SNTG2: variants seen among roughly 807,000 people sequenced by gnomAD.
SNTG2 encodes the protein syntrophin gamma 2.
SNTG2 carries 74 observed loss-of-function variants against 70.9 expected under a neutral mutation model. That is an observed-to-expected ratio of 1.04 (90% CI 0.86 to 1.27). The LOEUF is 1.27. Ranked by LOEUF, SNTG2 falls within the 50% of genes most tolerant of loss-of-function variation. The pLI is 0.00. For missense variants in SNTG2, 717 were observed against 690.7 expected, an observed-to-expected ratio of 1.04 and a Z score of -0.43; for synonymous variants, 278 against 273.8, an observed-to-expected ratio of 1.02 and a Z score of -0.15.
chr2:1,111,082 C>A (rs550283982), intron 4 of SNTG2, among the ~76,000 whole-genome samples: 32 of 152,198 alleles, frequency 2.1e-4, no homozygotes, highest in Admixed American at 8.5e-4. Flanking sequence ...ATTTTCCAAT[C>A]CCCAGATCTA....
At chr2:1,300,351 TCTC>T (rs1167927188) in intron 14 of SNTG2, among the ~76,000 whole-genome samples, 2 of 152,208 alleles carry the variant, frequency 1.3e-5, no homozygotes, top group Non-Finnish European at 2.9e-5. Context: ...TTTCTGCAGG[TCTC>T]CTTCCACAAT....
intron 16 of SNTG2, among the ~76,000 whole-genome samples, chr2:1,318,994 TA>T (rs1410156742): frequency 6.6e-6 from 1 of 152,220 alleles, no homozygotes; most frequent in Non-Finnish European, 1.5e-5. Flanking sequence ...CTGTTGAGGT[TA>T]AATGTATTTG....
chr2:1,031,528 A>ATATATATATATATATATTTTTTT, intron 1 of SNTG2, among the ~76,000 whole-genome samples: 13 of 59,110 alleles, frequency 2.2e-4, no homozygotes, highest in Admixed American at 6.2e-4. Flanking sequence ...ATATATATAT[A>ATATATATATATATATATTTTTTT]TTTTTTTTTT....
At chr2:1,060,376 G>T (rs892339985) in intron 1 of SNTG2, among the ~76,000 whole-genome samples, 2 of 152,202 alleles carry the variant, frequency 1.3e-5, no homozygotes, top group Non-Finnish European at 2.9e-5. Context: ...CTGTGTGTGT[G>T]TTTGGAGAGA....
intron 4 of SNTG2, among the ~76,000 whole-genome samples, chr2:1,105,888 C>G (rs964840337): frequency 2.0e-5 from 3 of 152,234 alleles, no homozygotes; most frequent in Non-Finnish European, 4.4e-5. Flanking sequence ...CAGCCTCCCC[C>G]GCGTGTCACA....
intron 14 of SNTG2, among the ~76,000 whole-genome samples, chr2:1,301,557 C>A (rs573018259): frequency 9.9e-5 from 15 of 152,134 alleles, no homozygotes; most frequent in Admixed American, 2.0e-4. Flanking sequence ...CTCATGAAAA[C>A]TAAAGAAAAA....
intron 9 of SNTG2, among the ~76,000 whole-genome samples, chr2:1,223,711 A>G (rs937167153): frequency 2.0e-5 from 3 of 152,238 alleles, no homozygotes; most frequent in Non-Finnish European, 2.9e-5. Flanking sequence ...TGGTGGAAAG[A>G]GTGGATGGAG....
At chr2:1,178,752 G>A (rs1487973053) in intron 8 of SNTG2, among the ~76,000 whole-genome samples, 2 of 151,912 alleles carry the variant, frequency 1.3e-5, no homozygotes, top group Non-Finnish European at 2.9e-5. Flanking sequence ...AAGGATATTG[G>A]TCTAAAATTC....
At chr2:1,259,822 A>G (rs1211963716) in intron 13 of SNTG2, among the ~76,000 whole-genome samples, 1 of 152,220 alleles carries the variant, frequency 6.6e-6, no homozygotes, top group Non-Finnish European at 1.5e-5. Context: ...AATTTGCCCC[A>G]GGGTCTGGCC....
intron 16 of SNTG2, among the ~76,000 whole-genome samples, chr2:1,319,716 A>G (rs986844202): frequency 2.0e-5 from 3 of 152,240 alleles, no homozygotes; most frequent in Non-Finnish European, 2.9e-5. Flanking sequence ...TAGGAAACAC[A>G]TATGTGGATA....
chr2:1,073,502 A>G (rs750114624), intron 1 of SNTG2, among the ~76,000 whole-genome samples: 1 of 152,220 alleles, frequency 6.6e-6, no homozygotes, highest in Non-Finnish European at 1.5e-5. Context: ...TCCACACTTA[A>G]TAGACTACAG....
rs1558349479 is a variant in SNTG2, at chr2:1,056,963, AG to A, written c.73-26552del. Among the ~76,000 whole-genome samples, 5 of 69,042 alleles carry A rather than the reference AG, an allele frequency of 7.2e-5. 1 individual carries two copies. Among genetic ancestry groups the A allele is most frequent in the African/African-American group, 2.4e-4 (4 of 16,710 alleles). 45.3% of individuals were successfully genotyped at this position (69,042 alleles called of 152,430 possible). ...GCGCGGCGCCCCGCTGTGGGGAGGG[AG>A]GGAGGGAGAGCGCGGGGCCACCCCG... On this transcript the variant is annotated intron_variant, in intron 1 of 16. Coordinates refer to ENST00000308624, the MANE Select transcript of SNTG2 (RefSeq NM_018968.4).
intron 4 of SNTG2, among the ~76,000 whole-genome samples, chr2:1,113,504 C>T (rs1666668694): frequency 2.0e-5 from 3 of 152,124 alleles, no homozygotes; most frequent in African/African-American, 4.8e-5. Context: ...TTAACCCTTA[C>T]AGTCCTTTGA....
rs150207412 is a variant in SNTG2 at position 1,135,446 on chromosome 2, G to A, written c.326-2176G>A. 6.0e-4 allele frequency among the ~76,000 whole-genome samples: 92 copies of A among 152,318 alleles called. 2 individuals carry two copies. In the East Asian group the frequency reaches 0.014, roughly 23 times the overall value. ...TAAAAACACATTACCTCGGCCAGGCGTGGTGGCTCACGCCTGTAATCCCAG... is the reference window on the plus strand; with the variant it reads ...TAAAAACACATTACCTCGGCCAGGCATGGTGGCTCACGCCTGTAATCCCAG... On this transcript the variant is annotated intron_variant, in intron 4 of 16. Coordinates refer to ENST00000308624, the MANE Select transcript of SNTG2 (RefSeq NM_018968.4).
intron 16 of SNTG2, among the ~76,000 whole-genome samples, chr2:1,358,271 A>G (rs1002018445): frequency 6.6e-6 from 1 of 152,138 alleles, no homozygotes; most frequent in African/African-American, 2.4e-5. Flanking sequence ...AGTCCGTAAC[A>G]TTAGTCTAGT....
chr2:1,314,405 A>G (rs1681170675), intron 15 of SNTG2, among the ~76,000 whole-genome samples: 1 of 152,254 alleles, frequency 6.6e-6, no homozygotes, highest in Middle Eastern at 3.2e-3. Flanking sequence ...TTCACTTAAC[A>G]GCTTTCAGAG....
intron 4 of SNTG2, among the ~76,000 whole-genome samples, chr2:1,115,963 G>T (rs1299197246): frequency 1.3e-5 from 2 of 152,264 alleles, no homozygotes; most frequent in Non-Finnish European, 2.9e-5. Context: ...CCAGGACCTT[G>T]GCGGAGGTGG....
At chr2:1,277,663 A>C (rs11677871) in intron 14 of SNTG2, among the ~76,000 whole-genome samples, 27,239 of 152,196 alleles carry the variant, frequency 0.18, 2,905 homozygotes, top group East Asian at 0.34. Context: ...GAATTTCAAC[A>C]TGAGTTTTGG....
chr2:1,315,962 A>C (rs1163438218), intron 15 of SNTG2, among the ~76,000 whole-genome samples: 1 of 152,156 alleles, frequency 6.6e-6, no homozygotes, highest in African/African-American at 2.4e-5. Flanking sequence ...GGAAGACCAG[A>C]GGGGTCGACT....
Sources: gnomAD v4.1 joint callset for allele counts (sites outside exome capture counted in the v4.1 genomes callset) on GRCh38, gnomAD v4.1.1 for gene constraint, MANE v1.5 for transcripts, NCBI Gene and HGNC (gene_info 2026-07-23, HGNC 2026-07-21) for gene names.